DEPDC5: variants seen among roughly 807,000 people sequenced by gnomAD.
DEPDC5 encodes DEP domain containing 5, GATOR1 subcomplex subunit.
In DEPDC5, 73 loss-of-function variants were observed where a neutral mutation model predicts 217.3. That is an observed-to-expected ratio of 0.34 (90% CI 0.28 to 0.41). The LOEUF is 0.41. DEPDC5 is among the 10% of genes least tolerant of loss of function. DEPDC5 has a pLI of 1.00. For synonymous variants in DEPDC5, 733 were observed against 756.7 expected (o/e 0.97, Z 0.51); for missense variants, 1,675 against 2,070.1 (o/e 0.81, Z 3.70).
chr22:31,829,923 A>T (rs111797277), intron 24 of DEPDC5, among the ~76,000 whole-genome samples: 3,460 of 152,290 alleles, frequency 0.023, 119 homozygotes, highest in African/African-American at 0.073. Flanking sequence ...TTGAAAAAGA[A>T]AATAAGTGGA....
intron 9 of DEPDC5, 133 bp from the exon 10 acceptor site, chr22:31,784,681 G>A: frequency 4.5e-6 from 3 of 664,428 alleles, no homozygotes; most frequent in Non-Finnish European, 7.5e-6. Context: ...TCTTATAGAA[G>A]AAGTTGCAAG....
chr22:31,794,114 A>G (rs975390328), intron 12 of DEPDC5, among the ~76,000 whole-genome samples: 6 of 152,192 alleles, frequency 3.9e-5, no homozygotes, highest in Non-Finnish European at 8.8e-5. Flanking sequence ...GACACAGTCA[A>G]TCTAGTTCAG....
intron 38 of DEPDC5, chr22:31,890,321 G>C (rs2093412799): frequency 2.0e-5 from 3 of 152,064 alleles, no homozygotes; most frequent in Non-Finnish European, 4.4e-5. Flanking sequence ...GTTTTTGTTT[G>C]TTTTTCCATT....
rs1227513536 is a variant in DEPDC5, at chr22:31,755,257, A to G, written c.58+278A>G. 6.6e-6 allele frequency: 3 copies of G among 452,438 alleles called. No homozygotes were observed. In the East Asian group the frequency reaches 1.2e-4, roughly 17 times the overall value. The allele number at this position is 452,438 out of a possible 1,614,324, so 28.0% of individuals were successfully genotyped here. A position where few individuals can be genotyped will look rare whatever the true frequency, so the allele number is the denominator to read the frequency against. ...ATTACAAATCTTCCGTGTATGTTCC[A>G]TAAAATTCCAGCCTGCACTGGTTTG... On this transcript the variant is annotated intron_variant, in intron 2 of 42. Coordinates refer to ENST00000651528, the MANE Select transcript of DEPDC5 (RefSeq NM_001242896.3).
chr22:31,791,925 C>CAAAAA (rs34494517), intron 10 of DEPDC5, 108 bp from the exon 11 acceptor site: 40 of 124,122 alleles, frequency 3.2e-4, no homozygotes, highest in South Asian at 6.0e-4. Context: ...GACTCCGTCT[C>CAAAAA]AAAAAAAAAA....
At chr22:31,863,915 T>C (rs1024778138) in intron 33 of DEPDC5, among the ~76,000 whole-genome samples, 7 of 148,096 alleles carry the variant, frequency 4.7e-5, no homozygotes, top group African/African-American at 1.8e-4. Context: ...AGAGTGAGAC[T>C]CCATCTGAAA....
intron 37 of DEPDC5, among the ~76,000 whole-genome samples, chr22:31,876,833 C>T (rs945006031): frequency 1.3e-5 from 2 of 152,114 alleles, no homozygotes; most frequent in Non-Finnish European, 2.9e-5. Flanking sequence ...AGAGCTGACT[C>T]ACATAACTGG....
Position 31,810,658 on chromosome 22 carries a change from A to G in DEPDC5, c.1445+17A>G. On this transcript the variant is annotated intron_variant, in intron 20 of 42. Coordinates refer to ENST00000651528, the MANE Select transcript of DEPDC5 (RefSeq NM_001242896.3). The stretch of plus-strand genomic sequence containing the variant: ...CACCTGCAGGTTTTCTGCCAGATTC[A>G]CTTGGGGGTGCATATAAAAATTGTG... 6.2e-7 allele frequency: 1 copy of G among 1,613,740 alleles called. No homozygotes were observed. Among genetic ancestry groups the G allele is most frequent in the East Asian group, 2.2e-5 (1 of 44,870 alleles).
chr22:31,862,004 C>T lies in DEPDC5; in HGVS notation c.3330+571C>T, dbSNP rs575756047. Among the ~76,000 whole-genome samples the T allele has an allele frequency of 5.3e-5, 8 of 152,246 alleles. No individual in the cohort carries two copies. The South Asian group carries it at 1.0e-3, about 20-fold the overall frequency. On this transcript the variant is annotated intron_variant, in intron 33 of 42. Transcript: ENST00000651528. ...CTGTAATCCCAGCACTTTGGGAGGC[C>T]GAGGCGGGCAGATCACCTGAGGTCA...
At chr22:31,905,938 TTAAC>T (rs776540542) in intron 41 of DEPDC5, 42 bp from the exon 42 acceptor site, 4 of 1,554,256 alleles carry the variant, frequency 2.6e-6, no homozygotes, top group East Asian at 4.5e-5. Flanking sequence ...CCTTGCCCCT[TTAAC>T]TAAGGAGGCG....
intron 20 of DEPDC5, chr22:31,813,945 CAACGTGGTGA>C (rs1271438173): frequency 6.6e-6 from 1 of 152,066 alleles, no homozygotes; most frequent in Non-Finnish European, 1.5e-5. Flanking sequence ...CCAGGCTGAC[CAACGTGGTGA>C]AACCCCGTCT....
At chr22:31,882,743 CT>C (rs200341225) in intron 38 of DEPDC5, among the ~76,000 whole-genome samples, 5 of 151,386 alleles carry the variant, frequency 3.3e-5, no homozygotes, top group African/African-American at 4.9e-5. Context: ...CATTCTTTCT[CT>C]TTTTTTTTAT....
intron 27 of DEPDC5, among the ~76,000 whole-genome samples, chr22:31,841,335 G>A (rs1221528587): frequency 1.3e-5 from 2 of 152,224 alleles, no homozygotes; most frequent in African/African-American, 4.8e-5. Flanking sequence ...CTCACATGCT[G>A]CCTGTCACTG....
Position 31,876,195 on chromosome 22 carries a change from C to T in DEPDC5, c.3735C>T (p.Gly1245=), listed in dbSNP as rs758804451. The stretch of plus-strand genomic sequence containing the variant: ...AGCAGCTCATCACACATGCATCTGG[C>T]GAAGCCTGGCGGACCTTCATCTACG... The part of the protein sequence containing the change: ...LEEQLITHAS[G]EAWRTFIYGF... The change falls in exon 37 of 43, where the codon GGC becomes GGT. Residue 1245 remains glycine (G), a synonymous_variant. Transcript: ENST00000651528. 9.9e-6 allele frequency: 16 copies of T among 1,613,960 alleles called. No individual in the cohort carries two copies. The highest frequency in any genetic ancestry group is 2.7e-5 in the African/African-American group (2 of 74,930).
chr22:31,797,732 G>T (rs766621474), intron 13 of DEPDC5, 29 bp downstream of exon 13: 3 of 1,557,068 alleles, frequency 1.9e-6, no homozygotes, highest in Non-Finnish European at 2.7e-6. Context: ...AGATGGTGCG[G>T]CGGGGAAAGG....
chr22:31,903,100 T>C (rs182857175), intron 41 of DEPDC5, among the ~76,000 whole-genome samples: 1 of 151,576 alleles, frequency 6.6e-6, no homozygotes, highest in East Asian at 1.9e-4. Context: ...CTCTGCATCA[T>C]TGTACCAGTG....
At chr22:31,756,016 G>T (rs894345481) in intron 2 of DEPDC5, among the ~76,000 whole-genome samples, 8 of 150,746 alleles carry the variant, frequency 5.3e-5, no homozygotes, top group Non-Finnish European at 1.0e-4. Context: ...GGGACTACAG[G>T]TGCATGCCGC....
intron 33 of DEPDC5, among the ~76,000 whole-genome samples, chr22:31,865,063 T>C (rs964760784): frequency 7.0e-6 from 1 of 141,896 alleles, no homozygotes; most frequent in Admixed American, 6.7e-5. Flanking sequence ...TGACCTCAGG[T>C]GATCTACCCG....
chr22:31,808,426 A>G (rs1220727522), intron 18 of DEPDC5, among the ~76,000 whole-genome samples: 1 of 150,920 alleles, frequency 6.6e-6, no homozygotes, highest in Non-Finnish European at 1.5e-5. Context: ...ATGTCCAGCT[A>G]ATTTTTGTAT....
Sources: allele counts gnomAD v4.1 joint callset (sites outside exome capture counted in the v4.1 genomes callset), GRCh38; gene constraint gnomAD v4.1.1; transcripts MANE v1.5; gene names NCBI Gene and HGNC (gene_info 2026-07-23, HGNC 2026-07-21).